PACRG: variants seen among roughly 807,000 people sequenced by gnomAD.
PACRG encodes the protein parkin coregulated gene protein.
PACRG carries 29 observed loss-of-function variants against 29.7 expected under a neutral mutation model. That is an observed-to-expected ratio of 0.98 (90% CI 0.73 to 1.33). PACRG has a LOEUF of 1.33. Among genes scored for constraint, PACRG ranks in the 40% most tolerant of loss-of-function variants. The pLI is 0.00. For missense variants in PACRG, 279 were observed against 316.2 expected (o/e 0.88, Z 0.89); for synonymous variants, 116 against 118.7 (o/e 0.98, Z 0.15).
intron 4 of PACRG, among the ~76,000 whole-genome samples, chr6:163,247,818 G>A (rs946367386): frequency 3.4e-4 from 52 of 152,152 alleles, no homozygotes; most frequent in African/African-American, 9.9e-4. Context: ...GTCTCTTTCC[G>A]TTAAAAGCAC....
At chr6:162,765,591 G>C (rs781574412) in intron 1 of PACRG, among the ~76,000 whole-genome samples, 12 of 152,078 alleles carry the variant, frequency 7.9e-5, no homozygotes, top group Admixed American at 1.3e-4. Flanking sequence ...CGTAAGTGAT[G>C]GTAACATAGT....
chr6:163,185,405 C>T (rs1035860863), intron 4 of PACRG, among the ~76,000 whole-genome samples: 7 of 152,102 alleles, frequency 4.6e-5, no homozygotes, highest in Admixed American at 2.6e-4. Flanking sequence ...GAGTAAAGTT[C>T]CAGGACAGTT....
intron 2 of PACRG, among the ~76,000 whole-genome samples, chr6:162,854,688 G>A (rs1456358611): frequency 6.6e-6 from 1 of 152,132 alleles, no homozygotes; most frequent in Non-Finnish European, 1.5e-5. Context: ...GACTAAAAAG[G>A]CCTCTGTACG....
At chr6:162,891,548 C>T (rs530956944) in intron 2 of PACRG, among the ~76,000 whole-genome samples, 78 of 152,270 alleles carry the variant, frequency 5.1e-4, no homozygotes, top group Non-Finnish European at 8.8e-4. Context: ...CAAAGATGGA[C>T]CTGATTCTCC....
intron 4 of PACRG, among the ~76,000 whole-genome samples, chr6:163,242,946 TTGCTGATAGTTTA>T (rs1680737516): frequency 6.6e-6 from 1 of 152,364 alleles, no homozygotes; most frequent in South Asian, 2.1e-4. Context: ...GAATATTGTT[TTGCTGATAGTTTA>T]GTCTGAAAGC....
Position 162,728,187 on chromosome 6 carries a change from C to A in PACRG, c.-49C>A. The A allele has an allele frequency of 6.3e-7, 1 of 1,592,524 alleles. No individual in the cohort carries two copies. The highest frequency in any genetic ancestry group is 2.2e-5 in the East Asian group (1 of 44,544). On this transcript the variant is annotated 5_prime_UTR_variant, in exon 1 of 5. It adds an upstream start codon to the 5' untranslated region. Coordinates refer to ENST00000366888, the MANE Select transcript of PACRG (RefSeq NM_001080379.2). ...CTCCTGCTCACATCCGTAAAGCCCA[C>A]TGATTCTTTTACTACACTTTTTATG... is the stretch of plus-strand genomic sequence containing the variant.
chr6:163,101,413 C>G (rs1585214564), intron 4 of PACRG: 1 of 965,382 alleles, frequency 1.0e-6, no homozygotes, highest in Non-Finnish European at 1.2e-6. Flanking sequence ...CTGAATGTTA[C>G]ATATGTTTGT....
intron 2 of PACRG, among the ~76,000 whole-genome samples, chr6:162,966,953 A>G (rs1350533617): frequency 6.6e-6 from 1 of 152,186 alleles, no homozygotes; most frequent in Non-Finnish European, 1.5e-5. Context: ...TTATATGGAT[A>G]TTACACAGTG....
intron 1 of PACRG, among the ~76,000 whole-genome samples, chr6:162,733,291 A>G (rs1258033665): frequency 6.6e-6 from 1 of 152,148 alleles, no homozygotes; most frequent in Non-Finnish European, 1.5e-5. Flanking sequence ...TATTATGGTC[A>G]TTTCTGCTCA....
At chr6:163,014,674 G>A (rs967939972) in intron 2 of PACRG, among the ~76,000 whole-genome samples, 1 of 151,998 alleles carries the variant, frequency 6.6e-6, no homozygotes, top group African/African-American at 2.4e-5. Flanking sequence ...GTCTGTTCAT[G>A]TATTTTACCC....
At chr6:163,050,016 T>C (rs1318316300) in intron 2 of PACRG, among the ~76,000 whole-genome samples, 1 of 152,132 alleles carries the variant, frequency 6.6e-6, no homozygotes, top group Non-Finnish European at 1.5e-5. Flanking sequence ...GTGTTCACTT[T>C]ATAAACTAAT....
At chr6:163,203,880 C>T (rs1122820) in intron 4 of PACRG, among the ~76,000 whole-genome samples, 3,729 of 152,308 alleles carry the variant, frequency 0.024, 146 homozygotes, top group African/African-American at 0.086. Flanking sequence ...ACATTTTCCA[C>T]AATGTTCCAC....
chr6:163,043,232 G>T lies in PACRG; in HGVS notation c.292-18918G>T, dbSNP rs550751508. 5.1e-4 allele frequency: 77 copies of T among 152,222 alleles called. 2 individuals carry two copies. Among genetic ancestry groups the T allele is most frequent in the Admixed American group, 3.9e-3 (59 of 15,286 alleles). The allele number at this position is 152,222 out of a possible 1,614,324, so 9.4% of individuals were successfully genotyped here. ...GAAAGAAAATGTTGGCATACAAAAAGAATTTTTTTCTATACAAAGTAAAAT... is the reference window on the plus strand; with the variant it reads ...GAAAGAAAATGTTGGCATACAAAAATAATTTTTTTCTATACAAAGTAAAAT... On this transcript the variant is annotated intron_variant, in intron 2 of 4. Coordinates refer to ENST00000366888, the MANE Select transcript of PACRG (RefSeq NM_001080379.2).
rs140802457 is a variant in PACRG at position 163,167,814 on chromosome 6, A to G, written c.613+78406A>G. 2.4e-3 allele frequency among the ~76,000 whole-genome samples: 371 copies of G among 152,320 alleles called. 3 individuals are homozygous for G. Among genetic ancestry groups the G allele is most frequent in the African/African-American group, 8.6e-3 (357 of 41,570 alleles). Reference sequence around the variant, plus strand: ...TTTTTGAAGTCCCACTTCCTTTCAAACCAACCCTGCTATCTCCTTGAAGCC... The same window carrying G: ...TTTTTGAAGTCCCACTTCCTTTCAAGCCAACCCTGCTATCTCCTTGAAGCC... On this transcript the variant is annotated intron_variant, in intron 4 of 4. Coordinates refer to ENST00000366888, the MANE Select transcript of PACRG (RefSeq NM_001080379.2).
At chr6:163,254,202 T>C (rs1393394889) in intron 4 of PACRG, among the ~76,000 whole-genome samples, 1 of 152,190 alleles carries the variant, frequency 6.6e-6, no homozygotes, top group East Asian at 1.9e-4. Context: ...ATCTTAAAAC[T>C]GACATCTGAT....
At chr6:162,767,437 G>T (rs1782885371) in intron 1 of PACRG, among the ~76,000 whole-genome samples, 1 of 151,348 alleles carries the variant, frequency 6.6e-6, no homozygotes, top group African/African-American at 2.4e-5. Flanking sequence ...AAGCCTATTT[G>T]CCTTATATAT....
chr6:162,962,450 C>T (rs1293719807), intron 2 of PACRG, among the ~76,000 whole-genome samples: 2 of 152,192 alleles, frequency 1.3e-5, no homozygotes, highest in Non-Finnish European at 2.9e-5. Context: ...CCCAGATTCA[C>T]ACCTTGAAGC....
At chr6:163,102,873 T>G (rs372063599) in intron 4 of PACRG, among the ~76,000 whole-genome samples, 7 of 152,240 alleles carry the variant, frequency 4.6e-5, no homozygotes, top group Non-Finnish European at 7.3e-5. Flanking sequence ...AGGGTTTGTT[T>G]GTTTGTTTGT....
intron 1 of PACRG, among the ~76,000 whole-genome samples, chr6:162,729,976 A>G (rs1779627111): frequency 6.6e-6 from 1 of 152,076 alleles, no homozygotes; most frequent in African/African-American, 2.4e-5. Flanking sequence ...TGTACTAGCA[A>G]TACCTCTCTT....
Sources: gnomAD v4.1 joint callset for allele counts (sites outside exome capture counted in the v4.1 genomes callset) on GRCh38, gnomAD v4.1.1 for gene constraint, MANE v1.5 for transcripts, NCBI Gene and HGNC (gene_info 2026-07-23, HGNC 2026-07-21) for gene names.